The following CDKAL1 variants were observed in gnomAD, a reference collection of about 807,000 sequenced individuals.
CDKAL1 encodes the protein CDKAL1 threonylcarbamoyladenosine tRNA methylthiotransferase.
Under a neutral mutation model 68.2 loss-of-function variants are expected in CDKAL1, and 32 were observed. The observed-to-expected ratio is 0.47, with a 90% confidence interval of 0.35 to 0.63. The LOEUF (loss-of-function observed/expected upper bound fraction) is 0.63, where lower values mean the gene tolerates loss of function less well. CDKAL1 is among the 30% of genes least tolerant of loss of function. CDKAL1 has a pLI of 0.00. For missense variants in CDKAL1, 606 were observed against 696.7 expected (o/e 0.87, Z 1.47); for synonymous variants, 234 against 244.3 (o/e 0.96, Z 0.39).
At chr6:20,640,054 GT>G (rs1334422366) in intron 4 of CDKAL1, among the ~76,000 whole-genome samples, 1 of 152,196 alleles carries the variant, frequency 6.6e-6, no homozygotes, top group Non-Finnish European at 1.5e-5. Context: ...TCTATTCTCA[GT>G]TTTTAGTAGG....
intron 11 of CDKAL1, among the ~76,000 whole-genome samples, chr6:21,060,441 C>A (rs1278338921): frequency 6.6e-6 from 1 of 151,990 alleles, no homozygotes; most frequent in Non-Finnish European, 1.5e-5. Context: ...CTTTTCTCAG[C>A]CTAACTAGTA....
intron 8 of CDKAL1, among the ~76,000 whole-genome samples, chr6:20,785,434 G>A (rs553953116): frequency 6.6e-6 from 1 of 150,442 alleles, no homozygotes; most frequent in Non-Finnish European, 1.5e-5. Context: ...TTCTGCCTCA[G>A]CCTCCTGAGT....
intron 4 of CDKAL1, among the ~76,000 whole-genome samples, chr6:20,640,453 G>T (rs910381221): frequency 6.6e-6 from 1 of 152,182 alleles, no homozygotes; most frequent in Non-Finnish European, 1.5e-5. Context: ...GGGCAGATTC[G>T]TAGTTGTGAG....
In CDKAL1 at chr6:20,846,879, G is replaced by A. The variant is rs1408306406; in HGVS notation, c.742+701G>A. ...TCTTTTGTCTTTGTTTATAGTATGTGCCTGTAACAGTGGTGTGTTTTTACT... is the reference window on the plus strand; with the variant it reads ...TCTTTTGTCTTTGTTTATAGTATGTACCTGTAACAGTGGTGTGTTTTTACT... On this transcript the variant is annotated intron_variant, in intron 9 of 15. Transcript: ENST00000274695. Among the ~76,000 whole-genome samples, 3 of 152,148 alleles carry A rather than the reference G, an allele frequency of 2.0e-5. No homozygotes were observed. In the East Asian group the frequency reaches 5.8e-4, roughly 29 times the overall value.
chr6:20,753,661 A>G (rs1417640632), intron 6 of CDKAL1, among the ~76,000 whole-genome samples: 1 of 152,202 alleles, frequency 6.6e-6, no homozygotes, highest in African/African-American at 2.4e-5. Flanking sequence ...ATTTCGTTGT[A>G]TGCATATGCC....
intron 9 of CDKAL1, among the ~76,000 whole-genome samples, chr6:20,875,307 A>G (rs1423542674): frequency 2.5e-4 from 1 of 4,010 alleles, no homozygotes; most frequent in African/African-American, 1.0e-3. Flanking sequence ...CTCCGTCTCA[A>G]AAAAAAAAAA....
chr6:20,846,211 T>C, intron 9 of CDKAL1, 33 bp downstream of exon 9: 2 of 1,319,994 alleles, frequency 1.5e-6, no homozygotes, highest in Non-Finnish European at 2.2e-6. Flanking sequence ...GTGAAATTAG[T>C]CTTCTTAATA....
chr6:21,152,886 C>A (rs1026011547), intron 13 of CDKAL1, among the ~76,000 whole-genome samples: 1 of 152,172 alleles, frequency 6.6e-6, no homozygotes, highest in Non-Finnish European at 1.5e-5. Flanking sequence ...TCAGTTTAGG[C>A]GGCCTTGCGC....
At chr6:20,590,328 C>T (rs1485262231) in intron 4 of CDKAL1, among the ~76,000 whole-genome samples, 1 of 151,880 alleles carries the variant, frequency 6.6e-6, no homozygotes, top group Non-Finnish European at 1.5e-5. Context: ...GTAAGGGCAC[C>T]ATAATTTTAT....
chr6:20,721,672 T>G (rs1411713523), intron 5 of CDKAL1, among the ~76,000 whole-genome samples: 4 of 151,430 alleles, frequency 2.6e-5, no homozygotes, highest in African/African-American at 4.9e-5. Flanking sequence ...TAGTTTACAT[T>G]CCCACCAACA....
chr6:21,114,055 T>C (rs1455318722), intron 13 of CDKAL1, among the ~76,000 whole-genome samples: 1 of 151,550 alleles, frequency 6.6e-6, no homozygotes, highest in East Asian at 2.0e-4. Flanking sequence ...GAGACCATCC[T>C]GGCTAACGCA....
At chr6:20,862,635 T>TTGTGTGTGTGTGTG (rs56736298) in intron 9 of CDKAL1, among the ~76,000 whole-genome samples, 3 of 149,104 alleles carry the variant, frequency 2.0e-5, no homozygotes, top group African/African-American at 7.5e-5. Context: ...TCTTTCCAAC[T>TTGTGTGTGTGTGTG]TGTGTGTGTG....
At chr6:20,734,162 AAAAG>A (rs1343761533) in intron 5 of CDKAL1, among the ~76,000 whole-genome samples, 43 of 150,968 alleles carry the variant, frequency 2.8e-4, no homozygotes, top group Admixed American at 3.9e-4. Context: ...AAAAAAAAAA[AAAAG>A]AAAGAAAGAA....
chr6:20,900,711 A>G (rs1198202329), intron 9 of CDKAL1, among the ~76,000 whole-genome samples: 1 of 152,152 alleles, frequency 6.6e-6, no homozygotes, highest in African/African-American at 2.4e-5. Flanking sequence ...GTTTTTTGCT[A>G]ATGGACTTCT....
At chr6:20,937,059 T>A (rs1763754762) in intron 9 of CDKAL1, among the ~76,000 whole-genome samples, 1 of 152,176 alleles carries the variant, frequency 6.6e-6, no homozygotes, top group Admixed American at 6.5e-5. Flanking sequence ...AAGAGTACAT[T>A]TACCCTTCTT....
At position 20,550,237 on chromosome 6, in the gene CDKAL1, C is replaced by T. The variant is rs1202920697; in HGVS notation, c.286+1532C>T. Among the ~76,000 whole-genome samples the T allele has an allele frequency of 2.0e-5, 3 of 152,128 alleles. No homozygotes were observed. In the East Asian group the frequency reaches 5.8e-4, roughly 29 times the overall value. ...AGGTGATTTACCTGCCTTGGCCTCCCAAAGTGCTGGGATTACAGGCATGAG... is the reference window on the plus strand; with the variant it reads ...AGGTGATTTACCTGCCTTGGCCTCCTAAAGTGCTGGGATTACAGGCATGAG... On this transcript the variant is annotated intron_variant, in intron 4 of 15. Transcript: ENST00000274695.
intron 5 of CDKAL1, among the ~76,000 whole-genome samples, chr6:20,689,247 G>A (rs769060026): frequency 1.3e-5 from 2 of 152,158 alleles, no homozygotes; most frequent in African/African-American, 4.8e-5. Flanking sequence ...AAAAATTCAC[G>A]CAAGTATGGG....
chr6:20,814,303 G>A (rs1263963022), intron 8 of CDKAL1, among the ~76,000 whole-genome samples: 4 of 151,960 alleles, frequency 2.6e-5, no homozygotes, highest in African/African-American at 7.3e-5. Flanking sequence ...CTCATTATGT[G>A]CAGTTGTTTA....
intron 5 of CDKAL1, among the ~76,000 whole-genome samples, chr6:20,697,311 A>G (rs577108273): frequency 2.0e-5 from 3 of 152,228 alleles, no homozygotes; most frequent in Middle Eastern, 3.2e-3. Flanking sequence ...ATGGCTTCTT[A>G]AAGTTTTGGT....
Sources: gnomAD v4.1 joint callset for allele counts (sites outside exome capture counted in the v4.1 genomes callset) on GRCh38, gnomAD v4.1.1 for gene constraint, MANE v1.5 for transcripts, NCBI Gene and HGNC (gene_info 2026-07-23, HGNC 2026-07-21) for gene names.